LEMD1: variants seen among roughly 807,000 people sequenced by gnomAD.
LEMD1 encodes LEM domain containing 1.
In LEMD1, 18 loss-of-function variants were observed where a neutral mutation model predicts 17.4. The ratio of observed to expected loss-of-function variants is 1.04; its 90% CI spans 0.72 to 1.54. The LOEUF (loss-of-function observed/expected upper bound fraction) is 1.54, where lower values mean the gene tolerates loss of function less well. LEMD1 is among the 40% of genes most tolerant of loss of function. LEMD1 has a pLI of 0.00. For missense variants in LEMD1, 195 were observed against 210.4 expected (o/e 0.93, Z 0.45); for synonymous variants, 88 against 77.8 (o/e 1.13, Z -0.69).
At chr1:205,412,967 G>A (rs1403309924) in intron 4 of LEMD1, among the ~76,000 whole-genome samples, 1 of 152,202 alleles carries the variant, frequency 6.6e-6, no homozygotes, top group East Asian at 1.9e-4. Flanking sequence ...GAATGGAAAG[G>A]ATTCCTTTAA....
At chr1:205,387,836 C>T (rs1664108990) in intron 4 of LEMD1, among the ~76,000 whole-genome samples, 1 of 152,178 alleles carries the variant, frequency 6.6e-6, no homozygotes, top group Non-Finnish European at 1.5e-5. Flanking sequence ...CAGAGATATG[C>T]CAATACAACA....
At chr1:205,430,157 A>G (rs1666106566) in intron 1 of LEMD1, among the ~76,000 whole-genome samples, 1 of 152,238 alleles carries the variant, frequency 6.6e-6, no homozygotes, top group African/African-American at 2.4e-5. Context: ...CTCACTTTGC[A>G]GAGAAAAATG....
upstream of LEMD1, among the ~76,000 whole-genome samples, chr1:205,425,933 T>C (rs1666049856): frequency 6.6e-6 from 1 of 151,592 alleles, no homozygotes; most frequent in African/African-American, 2.4e-5. Flanking sequence ...TTTTTGAAAC[T>C]ATGATACTCC....
intron 4 of LEMD1, chr1:205,386,986 C>G (rs893177390): frequency 6.6e-6 from 1 of 152,188 alleles, no homozygotes; most frequent in Admixed American, 6.5e-5. Context: ...TCACATGCAA[C>G]TTCTTTTTAA....
At chr1:205,384,426 T>C (rs1663888524) in intron 4 of LEMD1, 62 bp from the exon 5 acceptor site, 2 of 1,097,754 alleles carry the variant, frequency 1.8e-6, no homozygotes, top group Non-Finnish European at 1.2e-6. Flanking sequence ...CAAATAACCT[T>C]GGTTTTTATT....
At chr1:205,394,371 A>T (rs1399242425) in intron 4 of LEMD1, among the ~76,000 whole-genome samples, 31 of 33,304 alleles carry the variant, frequency 9.3e-4, no homozygotes, top group East Asian at 2.3e-3. Context: ...TGTTTATTTA[A>T]TTAATTAATT....
chr1:205,441,184 GC>G lies in LEMD1; in HGVS notation c.-39+8683del, dbSNP rs1214839161. ...CCAGTCATTGCCACTCCCTGAGGCGGCCCGCTAGGTCTCTCACACCGGCTGG... is the reference window on the plus strand; with the variant it reads ...CCAGTCATTGCCACTCCCTGAGGCGGCCGCTAGGTCTCTCACACCGGCTGG... On this transcript the variant is annotated intron_variant, in intron 1 of 3. Transcript: ENST00000367154. This position sits in a 1 kb window ranked among gnomAD's most constrained non-coding sequence, Gnocchi z 4.3. 1 of 152,264 alleles carries G rather than the reference GC, an allele frequency of 6.6e-6. No homozygotes were observed. Among genetic ancestry groups the G allele is most frequent in the Non-Finnish European group, 1.5e-5 (1 of 68,128 alleles). 9.4% of individuals were successfully genotyped at this position (152,264 alleles called of 1,614,324 possible).
At chr1:205,398,619 G>A (rs1201461982) in intron 4 of LEMD1, among the ~76,000 whole-genome samples, 1 of 152,204 alleles carries the variant, frequency 6.6e-6, no homozygotes, top group Admixed American at 6.5e-5. Context: ...GAGGCAGAAG[G>A]GACATGGACA....
intron 1 of LEMD1, among the ~76,000 whole-genome samples, chr1:205,440,346 C>T (rs1238101412): frequency 6.6e-6 from 1 of 152,234 alleles, no homozygotes; most frequent in Non-Finnish European, 1.5e-5. Context: ...TTCCTCCTCA[C>T]TGGGCTGGCC....
chr1:205,382,911 A>C (rs2102328685), intron 5 of LEMD1, among the ~76,000 whole-genome samples: 1 of 152,340 alleles, frequency 6.6e-6, no homozygotes, highest in South Asian at 2.1e-4. Context: ...CACTAGCCTA[A>C]TTCTGCAAAA....
At chr1:205,384,114 G>A (rs1663870229) in intron 5 of LEMD1, among the ~76,000 whole-genome samples, 174 bp downstream of exon 5, 1 of 152,094 alleles carries the variant, frequency 6.6e-6, no homozygotes, top group Non-Finnish European at 1.5e-5. Flanking sequence ...CTCTAAATAT[G>A]AACAATGAAC....
At chr1:205,416,177 A>G in intron 4 of LEMD1, 55 bp downstream of exon 4, 1 of 1,106,062 alleles carries the variant, frequency 9.0e-7, no homozygotes, top group Admixed American at 2.1e-5. Flanking sequence ...GAACAGAGCT[A>G]CTCCCTGTTT....
chr1:205,407,114 G>A (rs1315700202), intron 4 of LEMD1, among the ~76,000 whole-genome samples: 1 of 151,992 alleles, frequency 6.6e-6, no homozygotes, highest in Non-Finnish European at 1.5e-5. Context: ...GGTGGATCAC[G>A]AGGTCAGGAG....
intron 4 of LEMD1, among the ~76,000 whole-genome samples, chr1:205,402,638 G>A (rs1304604823): frequency 1.3e-5 from 2 of 152,046 alleles, no homozygotes; most frequent in African/African-American, 4.8e-5. Flanking sequence ...CAACCATGTC[G>A]TCTGCAAACA....
chr1:205,391,384 T>A (rs567260946), intron 4 of LEMD1, among the ~76,000 whole-genome samples: 2 of 151,522 alleles, frequency 1.3e-5, no homozygotes, highest in African/African-American at 4.8e-5. Flanking sequence ...AATTTATATG[T>A]CCTGGACTGG....
intron 5 of LEMD1, among the ~76,000 whole-genome samples, chr1:205,384,070 T>G (rs1168667212): frequency 6.6e-6 from 1 of 152,042 alleles, no homozygotes; most frequent in African/African-American, 2.4e-5. Flanking sequence ...ACTTTTGCCC[T>G]GTCTTCCCAG....
chr1:205,427,484 T>TGAGAGAGAGA (rs3973968), intron 1 of LEMD1, among the ~76,000 whole-genome samples: 18 of 147,348 alleles, frequency 1.2e-4, no homozygotes, highest in African/African-American at 3.5e-4. Context: ...AAAGAACATT[T>TGAGAGAGAGA]GAGAGAGAGA....
intron 5 of LEMD1, among the ~76,000 whole-genome samples, chr1:205,383,720 G>A (rs1375816250): frequency 2.0e-5 from 3 of 146,608 alleles, no homozygotes; most frequent in Non-Finnish European, 4.5e-5. Context: ...AGCAAGCTCC[G>A]CCTCCCTGGT....
intron 4 of LEMD1, among the ~76,000 whole-genome samples, chr1:205,411,346 T>A (rs11807415): frequency 0.17 from 26,445 of 151,218 alleles, 2,468 homozygotes; most frequent in Admixed American, 0.23. Context: ...GGCGGGCGGA[T>A]CACGAGGTCA....
Sources: gnomAD v4.1 joint callset for allele counts (sites outside exome capture counted in the v4.1 genomes callset) on GRCh38, gnomAD v4.1.1 for gene constraint, Gnocchi (gnomAD v3.1) non-coding constraint, MANE v1.5 for transcripts, NCBI Gene and HGNC (gene_info 2026-07-23, HGNC 2026-07-21) for gene names.